The following ERBB4 variants were observed in gnomAD, a reference collection of about 807,000 sequenced individuals.
ERBB4 encodes the protein receptor tyrosine-protein kinase erbB-4.
A neutral mutation model predicts 158.0 loss-of-function variants in ERBB4; 42 were observed. The observed-to-expected ratio is 0.27, with a 90% confidence interval of 0.21 to 0.34. The LOEUF is 0.34. ERBB4 is among the 10% of genes least tolerant of loss of function. ERBB4 has a pLI of 1.00. For synonymous variants in ERBB4, 583 were observed against 558.7 expected (o/e 1.04, Z -0.61); for missense variants, 1,333 against 1,624.1 (o/e 0.82, Z 3.08).
intron 3 of ERBB4, among the ~76,000 whole-genome samples, chr2:211,919,003 C>T (rs913117157): frequency 6.6e-6 from 1 of 152,054 alleles, no homozygotes; most frequent in African/African-American, 2.4e-5. Flanking sequence ...TTGCCCTTGA[C>T]AGGTTTTTCT....
intron 3 of ERBB4, among the ~76,000 whole-genome samples, chr2:211,810,514 C>G (rs529240713): frequency 6.6e-6 from 1 of 151,958 alleles, no homozygotes; most frequent in Non-Finnish European, 1.5e-5. Flanking sequence ...GATTGCAACC[C>G]CGGCCGTTTT....
chr2:212,375,211 G>A (rs1318890524), intron 1 of ERBB4, among the ~76,000 whole-genome samples: 1 of 151,952 alleles, frequency 6.6e-6, no homozygotes, highest in Non-Finnish European at 1.5e-5. Context: ...CTCAGATTAT[G>A]GAGAGAAATC....
At chr2:211,822,473 A>C (rs1287363815) in intron 3 of ERBB4, among the ~76,000 whole-genome samples, 1 of 152,048 alleles carries the variant, frequency 6.6e-6, no homozygotes, top group Non-Finnish European at 1.5e-5. Flanking sequence ...CTAATGTATC[A>C]CTTGTAGCTG....
chr2:211,589,559 T>C (rs1222333072), intron 19 of ERBB4, among the ~76,000 whole-genome samples: 1 of 152,156 alleles, frequency 6.6e-6, no homozygotes, highest in Non-Finnish European at 1.5e-5. Context: ...TCCACTCCCA[T>C]ACAAAAATGT....
rs2106035957 is a variant in ERBB4 at position 211,702,018 on chromosome 2, T to A, written c.1438A>T (p.Thr480Ser). 1 of 1,614,104 alleles carries A rather than the reference T, an allele frequency of 6.2e-7. No homozygotes were observed. Among genetic ancestry groups the A allele is most frequent in the South Asian group, 1.1e-5 (1 of 91,088 alleles). ...HTINWTTLFS[T>S]INQRIVIRDN... ...CGGATTACTATTCTCTGGTTGATTG[T>A]GCTGAAGAGTGTTGTCCAGTTAATG... Residue 480 changes from threonine (T) to serine (S), a missense_variant, in exon 12 of 28, where the codon ACA (threonine) becomes TCA (serine). Coordinates refer to ENST00000342788, the MANE Select transcript of ERBB4 (RefSeq NM_005235.3).
chr2:212,426,727 A>T (rs2091921681), intron 1 of ERBB4, among the ~76,000 whole-genome samples: 2 of 152,042 alleles, frequency 1.3e-5, no homozygotes, highest in Admixed American at 1.3e-4. Flanking sequence ...TTTGAAGTAA[A>T]GCCTATATTT....
rs1435488546 is a variant in ERBB4 at position 211,934,931 on chromosome 2, A to AAAAAAAAAAAAAAAAAAAAAAAAC, written c.421+12498_421+12499insGTTTTTTTTTTTTTTTTTTTTTTT. On this transcript the variant is annotated intron_variant, in intron 3 of 27. Coordinates refer to ENST00000342788, the MANE Select transcript of ERBB4 (RefSeq NM_005235.3). ...TAAGCAAAGTCTCATTCAGCTAAAA[A>AAAAAAAAAAAAAAAAAAAAAAAAC]AAAAAAAAAACTGCCTTGAAGAGGT... Among the ~76,000 whole-genome samples, 85 of 149,116 alleles carry AAAAAAAAAAAAAAAAAAAAAAAAC rather than the reference A, an allele frequency of 5.7e-4. 3 individuals are homozygous for AAAAAAAAAAAAAAAAAAAAAAAAC. Among genetic ancestry groups the AAAAAAAAAAAAAAAAAAAAAAAAC allele is most frequent in the Non-Finnish European group, 1.0e-3 (69 of 66,782 alleles).
chr2:212,153,899 G>GTCAAGTGTA (rs2080950257), intron 1 of ERBB4, among the ~76,000 whole-genome samples: 1 of 152,120 alleles, frequency 6.6e-6, no homozygotes, highest in Admixed American at 6.6e-5. Flanking sequence ...AAAAAAGGCA[G>GTCAAGTGTA]ATTATGAAAC....
intron 1 of ERBB4, among the ~76,000 whole-genome samples, chr2:212,492,019 C>T (rs868265071): frequency 1.1e-4 from 16 of 151,414 alleles, no homozygotes; most frequent in Non-Finnish European, 4.4e-5. Flanking sequence ...TTGGCATGCT[C>T]TTTTAAGCAG....
At chr2:211,525,901 T>C (rs1291470586) in intron 20 of ERBB4, among the ~76,000 whole-genome samples, 2 of 152,080 alleles carry the variant, frequency 1.3e-5, no homozygotes, top group Non-Finnish European at 2.9e-5. Flanking sequence ...CTATGTCTTA[T>C]GGTTTGAAGG....
At chr2:212,223,123 T>C (rs2083351754) in intron 1 of ERBB4, among the ~76,000 whole-genome samples, 1 of 151,484 alleles carries the variant, frequency 6.6e-6, no homozygotes, top group Admixed American at 6.6e-5. Context: ...CATATATACA[T>C]ATATCCATTA....
chr2:212,301,977 C>T (rs2086641152), intron 1 of ERBB4, among the ~76,000 whole-genome samples: 1 of 151,384 alleles, frequency 6.6e-6, no homozygotes, highest in South Asian at 2.1e-4. Context: ...TATCCTATGT[C>T]ACTAAGGATA....
chr2:211,709,296 T>C (rs1050087742), intron 9 of ERBB4, among the ~76,000 whole-genome samples: 57 of 145,670 alleles, frequency 3.9e-4, no homozygotes, highest in African/African-American at 1.3e-3. Flanking sequence ...TATATACATA[T>C]ATATATATGA....
intron 3 of ERBB4, among the ~76,000 whole-genome samples, chr2:211,906,505 TA>T (rs1421647843): frequency 6.6e-6 from 1 of 151,866 alleles, no homozygotes; most frequent in African/African-American, 2.4e-5. Context: ...GATCTAAGTT[TA>T]AAAGAAGAAA....
intron 19 of ERBB4, among the ~76,000 whole-genome samples, chr2:211,613,268 G>T (rs557890182): frequency 6.6e-6 from 1 of 151,964 alleles, no homozygotes. Flanking sequence ...AAGATTTTTT[G>T]TAAGAACATG....
At chr2:212,370,410 T>C (rs899850855) in intron 1 of ERBB4, among the ~76,000 whole-genome samples, 1 of 152,084 alleles carries the variant, frequency 6.6e-6, no homozygotes, top group Non-Finnish European at 1.5e-5. Context: ...AACACTAAAT[T>C]CAGAAACGTG....
intron 3 of ERBB4, among the ~76,000 whole-genome samples, chr2:211,825,088 A>C (rs532586373): frequency 6.6e-6 from 1 of 152,096 alleles, no homozygotes; most frequent in Middle Eastern, 3.4e-3. Context: ...AGGAGACCAG[A>C]ACAGATATAA....
intron 25 of ERBB4, among the ~76,000 whole-genome samples, chr2:211,397,918 T>A (rs2062954370): frequency 6.6e-6 from 1 of 152,162 alleles, no homozygotes; most frequent in South Asian, 2.1e-4. Context: ...CGTAAAATCT[T>A]CTCAAATTGG....
intron 4 of ERBB4, among the ~76,000 whole-genome samples, chr2:211,769,537 G>A (rs1237622198): frequency 6.6e-6 from 1 of 152,212 alleles, no homozygotes; most frequent in Non-Finnish European, 1.5e-5. Context: ...TGACTCACAG[G>A]ATCACAAGGT....
Sources: allele counts gnomAD v4.1 joint callset (sites outside exome capture counted in the v4.1 genomes callset), GRCh38; gene constraint gnomAD v4.1.1; transcripts MANE v1.5; gene names NCBI Gene and HGNC (gene_info 2026-07-23, HGNC 2026-07-21).